FBXO33: variants seen among roughly 807,000 people sequenced by gnomAD.
FBXO33 encodes the protein F-box protein 33, also known as F-box only protein 33.
FBXO33 carries 22 observed loss-of-function variants against 46.3 expected under a neutral mutation model. The observed-to-expected ratio is 0.48, with a 90% CI of 0.34 to 0.68. The LOEUF (loss-of-function observed/expected upper bound fraction) is 0.68. FBXO33 is among the 30% of genes least tolerant of loss of function. FBXO33 has a pLI of 0.01. For synonymous variants in FBXO33, 337 were observed against 291.3 expected, an observed-to-expected ratio of 1.16 and a Z score of -1.60; for missense variants, 692 against 708.8, an observed-to-expected ratio of 0.98 and a Z score of 0.27.
In FBXO33 at chr14:39,399,451, G is replaced by GAA; in HGVS notation, c.*63_*64dup. The GAA allele has an allele frequency of 5.2e-6, 7 of 1,337,940 alleles. No homozygotes were observed. Among genetic ancestry groups the GAA allele is most frequent in the South Asian group, 1.5e-5 (1 of 67,166 alleles). The allele number at this position is 1,337,940 out of a possible 1,614,324, so 82.9% of individuals were successfully genotyped here. On this transcript the variant is annotated 3_prime_UTR_variant, in exon 4 of 4. Coordinates refer to ENST00000298097, the MANE Select transcript of FBXO33 (RefSeq NM_203301.4). ...CACAAAAGGATTAATTCACACTACTGAAAAAAAAACATAATAGGACCCTAC... is the reference window on the plus strand; with the variant it reads ...CACAAAAGGATTAATTCACACTACTGAAAAAAAAAAACATAATAGGACCCTAC...
rs527872572 is a variant in FBXO33, at chr14:39,410,625, AG to A, written c.600-8115del. ...ATTAATTCTTCTTCAAATATTTGGTAGAATTCACCTGTGAAGCCATCCAGTC... is the reference window on the plus strand; with the variant it reads ...ATTAATTCTTCTTCAAATATTTGGTAAATTCACCTGTGAAGCCATCCAGTC... On this transcript the variant is annotated intron_variant, in intron 1 of 3. Transcript: ENST00000298097. 8.5e-5 allele frequency among the ~76,000 whole-genome samples: 13 copies of A among 152,340 alleles called. No homozygotes were observed. The South Asian group carries it at 2.5e-3, about 29-fold the overall frequency.
At chr14:39,426,124 A>C (rs2075512285) in intron 1 of FBXO33, among the ~76,000 whole-genome samples, 1 of 151,960 alleles carries the variant, frequency 6.6e-6, no homozygotes, top group African/African-American at 2.4e-5. Context: ...CTATTTTTAA[A>C]AATTATTTAT....
At chr14:39,423,136 G>C (rs1259395572) in intron 1 of FBXO33, among the ~76,000 whole-genome samples, 1 of 151,736 alleles carries the variant, frequency 6.6e-6, no homozygotes, top group African/African-American at 2.4e-5. Context: ...AAAACAAAAA[G>C]CTTAATATAA....
In FBXO33 at chr14:39,401,546, G is replaced by A. The variant is rs1488136218; in HGVS notation, c.1026C>T (p.His342=). 1 of 1,614,146 alleles carries A rather than the reference G, an allele frequency of 6.2e-7. No individual in the cohort carries two copies. The highest frequency in any genetic ancestry group is 8.5e-7 in the Non-Finnish European group (1 of 1,180,032). Reference sequence around the variant, plus strand: ...GAGACTTGTGCATTACAGAAACATTGTGAACCAGAAGAGACAGTCGTTGCA... The same window carrying A: ...GAGACTTGTGCATTACAGAAACATTATGAACCAGAAGAGACAGTCGTTGCA... ...VPLQRLSLLV[H]NVSVMHKSLD... Residue 342 remains histidine (H), a synonymous_variant, in exon 3 of 4, where the codon CAC becomes CAT. Transcript: ENST00000298097.
intron 1 of FBXO33, among the ~76,000 whole-genome samples, chr14:39,419,690 TA>T (rs2075470907): frequency 6.6e-6 from 1 of 152,230 alleles, no homozygotes; most frequent in Non-Finnish European, 1.5e-5. Flanking sequence ...GCAAGTGAAC[TA>T]AAGAAATCAA....
Position 39,432,054 on chromosome 14 carries a change from G to A in FBXO33, c.109C>T (p.Arg37Trp). ...WRRLRLQQLR[R>W]LRGLLRVLRG... ...AGTACCCGGAGCAGCCCCCGCAGCC[G>A]TCGCAGCTGCTGCAGCCGCAGCCGC... The change falls in exon 1 of 4, where the codon CGG becomes TGG. Residue 37 changes from arginine (R) to tryptophan (W), a missense_variant. Around this residue, in one of 3 missense-constraint regions of FBXO33, gnomAD observed 412 missense variants for 370.8 expected, o/e 1.11. Coordinates refer to ENST00000298097, the MANE Select transcript of FBXO33 (RefSeq NM_203301.4). 2.5e-6 allele frequency: 3 copies of A among 1,222,522 alleles called. No homozygotes were observed. The highest frequency in any genetic ancestry group is 2.8e-5 in the South Asian group (1 of 35,700). The allele number at this position is 1,222,522 out of a possible 1,614,324, so 75.7% of individuals were successfully genotyped here. A position where few individuals can be genotyped will look rare whatever the true frequency, so the allele number is the denominator to read the frequency against.
chr14:39,410,269 T>C (rs1405654799), intron 1 of FBXO33, among the ~76,000 whole-genome samples: 2 of 152,238 alleles, frequency 1.3e-5, no homozygotes, highest in East Asian at 1.9e-4. Context: ...TTTTGTCAAA[T>C]GCTTTTTCTG....
At chr14:39,420,464 G>A (rs936672889) in intron 1 of FBXO33, among the ~76,000 whole-genome samples, 2 of 152,164 alleles carry the variant, frequency 1.3e-5, no homozygotes, top group Admixed American at 6.5e-5. Flanking sequence ...GCCGGGGCGG[G>A]CGGATCACGA....
rs756380499 is a variant in FBXO33 at position 39,398,272 on chromosome 14, GT to G, written c.*1243del. The G allele has an allele frequency of 7.9e-5, 12 of 152,712 alleles. No homozygotes were observed. The East Asian group carries it at 2.1e-3, about 27-fold the overall frequency. 9.5% of individuals were successfully genotyped at this position (152,712 alleles called of 1,614,324 possible). Reference sequence around the variant, plus strand: ...TGGAAGTCTCACAGAGACCACGTCTGTACCGCGGTTGCCCTGAAACAGTTAA... The same window carrying G: ...TGGAAGTCTCACAGAGACCACGTCTGACCGCGGTTGCCCTGAAACAGTTAA... On this transcript the variant is annotated 3_prime_UTR_variant, in exon 4 of 4. Coordinates refer to ENST00000298097, the MANE Select transcript of FBXO33 (RefSeq NM_203301.4).
rs1342353868 is a variant in FBXO33 at position 39,432,325 on chromosome 14, G to C, written c.-163C>G. ...CGTGCGTCCGAGGCCGGCACACTGA[G>C]TAACTGCACTGCCCTCGCTCGTAAA... On this transcript the variant is annotated 5_prime_UTR_variant, in exon 1 of 4. Coordinates refer to ENST00000298097, the MANE Select transcript of FBXO33 (RefSeq NM_203301.4). 1 of 448,598 alleles carries C rather than the reference G, an allele frequency of 2.2e-6. No homozygotes were observed. Among genetic ancestry groups the C allele is most frequent in the East Asian group, 4.6e-5 (1 of 21,708 alleles). 27.8% of individuals were successfully genotyped at this position (448,598 alleles called of 1,614,324 possible).
chr14:39,428,697 G>A (rs2075528606), intron 1 of FBXO33, among the ~76,000 whole-genome samples: 1 of 152,080 alleles, frequency 6.6e-6, no homozygotes, highest in Non-Finnish European at 1.5e-5. Flanking sequence ...ATGAGCTCTC[G>A]TTTTTCCTAA....
chr14:39,431,752 T>A lies in FBXO33; in HGVS notation c.411A>T (p.Arg137=), dbSNP rs980363882. ...FLMRKCGWFV[R]ELRVEFAAEN... is the part of the protein sequence containing the mutation. The stretch of plus-strand genomic sequence containing the variant: ...CGGCGGCGAATTCAACACGCAGCTC[T>A]CGCACGAACCAGCCGCACTTGCGCA... Residue 137 remains arginine (R), a synonymous_variant, in exon 1 of 4, where the codon CGA becomes CGT. Transcript: ENST00000298097. The A allele has an allele frequency of 1.9e-6, 3 of 1,612,844 alleles. No homozygotes were observed. Among genetic ancestry groups the A allele is most frequent in the Non-Finnish European group, 2.5e-6 (3 of 1,179,960 alleles).
intron 1 of FBXO33, among the ~76,000 whole-genome samples, chr14:39,412,963 G>A (rs983995516): frequency 1.3e-5 from 2 of 152,208 alleles, no homozygotes; most frequent in Non-Finnish European, 1.5e-5. Context: ...TCCCAATATC[G>A]GATGGCTACT....
rs1207371484 is a variant in FBXO33, at chr14:39,431,721, A to G, written c.442T>C (p.Tyr148His). ...ELRVEFAAEN[Y>H]LSGGGPGDGG... ...TCCCCTGGGCCACCGCCGCTCAGAT[A>G]GTTCTCGGCGGCGAATTCAACACGC... is the stretch of plus-strand genomic sequence containing the variant. The change falls in exon 1 of 4, where the codon TAT becomes CAT. Residue 148 changes from tyrosine (Y) to histidine (H), a missense_variant. Tyr to His is a moderately conservative substitution (Grantham distance 83, BLOSUM62 2). Transcript: ENST00000298097. 1 of 1,613,326 alleles carries G rather than the reference A, an allele frequency of 6.2e-7. No homozygotes were observed. The highest frequency in any genetic ancestry group is 1.1e-5 in the South Asian group (1 of 91,090).
At chr14:39,405,509 G>A (rs1310636534) in intron 1 of FBXO33, among the ~76,000 whole-genome samples, 7 of 151,974 alleles carry the variant, frequency 4.6e-5, no homozygotes, top group Non-Finnish European at 8.8e-5. Context: ...GGGGTGTGGA[G>A]GCATGGTGGT....
At position 39,432,301 on chromosome 14, in the gene FBXO33, GT is replaced by G; in HGVS notation, c.-140del. On this transcript the variant is annotated 5_prime_UTR_variant, in exon 1 of 4. Coordinates refer to ENST00000298097, the MANE Select transcript of FBXO33 (RefSeq NM_203301.4). The stretch of plus-strand genomic sequence containing the variant: ...CTCTGTCTTCTCAAACTCTACTCAC[GT>G]GCGTCCGAGGCCGGCACACTGAGTA... 1.5e-6 allele frequency: 1 copy of G among 652,256 alleles called. No homozygotes were observed. Among genetic ancestry groups the G allele is most frequent in the Non-Finnish European group, 2.1e-6 (1 of 477,156 alleles). 40.4% of individuals were successfully genotyped at this position (652,256 alleles called of 1,614,324 possible). A position where few individuals can be genotyped will look rare whatever the true frequency, so the allele number is the denominator to read the frequency against.
chr14:39,409,716 G>A (rs762750027), intron 1 of FBXO33, among the ~76,000 whole-genome samples: 1 of 152,160 alleles, frequency 6.6e-6, no homozygotes, highest in Admixed American at 6.5e-5. Context: ...AACATGAGAT[G>A]TTTTTCCATT....
intron 1 of FBXO33, among the ~76,000 whole-genome samples, chr14:39,427,537 T>G (rs2075521940): frequency 6.6e-6 from 1 of 152,264 alleles, no homozygotes; most frequent in East Asian, 1.9e-4. Context: ...AGGAGAAATA[T>G]TTCAAGAAAA....
chr14:39,401,103 G>T, intron 3 of FBXO33, 73 bp downstream of exon 3: 1 of 1,334,432 alleles, frequency 7.5e-7, no homozygotes, highest in Non-Finnish European at 1.0e-6. Flanking sequence ...AAAGGTCAGT[G>T]CTATCTCTTT....
Sources: allele counts gnomAD v4.1 joint callset (sites outside exome capture counted in the v4.1 genomes callset), GRCh38; gene constraint gnomAD v4.1.1; regional missense constraint gnomAD v4.1.1; transcripts MANE v1.5; gene names NCBI Gene and HGNC (gene_info 2026-07-23, HGNC 2026-07-21).